AVEN: variants seen among roughly 807,000 people sequenced by gnomAD.
AVEN encodes cell death regulator Aven.
A neutral mutation model predicts 38.1 loss-of-function variants in AVEN; 41 were observed. The ratio of observed to expected loss-of-function variants is 1.08; its 90% confidence interval spans 0.84 to 1.40. The LOEUF is 1.40. Ranked by LOEUF, AVEN falls within the 40% of genes most tolerant of loss-of-function variation. The probability of loss-of-function intolerance (pLI) is 0.00; values close to 1 mark genes in which losing one functional copy is unlikely to be tolerated. For synonymous variants in AVEN, 206 were observed against 171.8 expected, an observed-to-expected ratio of 1.20 and a Z score of -1.56; for missense variants, 605 against 438.8, an observed-to-expected ratio of 1.38 and a Z score of -3.38.
intron 2 of AVEN, among the ~76,000 whole-genome samples, chr15:33,984,032 A>T (rs976129857): frequency 2.6e-5 from 4 of 152,278 alleles, no homozygotes; most frequent in Admixed American, 2.6e-4. Context: ...ACTGTCACAA[A>T]TAAGAAGAGA....
chr15:33,852,806 G>C, the AVEN span: 1 of 419,616 alleles, frequency 2.4e-6, no homozygotes, highest in South Asian at 3.2e-5. Context: ...ATAATTCTGA[G>C]GCAGAAACTG....
intron 3 of AVEN, among the ~76,000 whole-genome samples, chr15:33,872,375 AAC>A (rs1273766354): frequency 6.6e-6 from 1 of 152,190 alleles, no homozygotes; most frequent in Non-Finnish European, 1.5e-5. Flanking sequence ...GCAGCTAAAA[AAC>A]ATACCCTTCA....
At chr15:33,862,213 G>C (rs1888523433), downstream of AVEN, among the ~76,000 whole-genome samples, 1 of 152,070 alleles carries the variant, frequency 6.6e-6, no homozygotes, top group Non-Finnish European at 1.5e-5. Flanking sequence ...AGCTTAGAGA[G>C]TCCTCATCTT....
At chr15:33,989,501 T>C (rs7183165) in intron 2 of AVEN, among the ~76,000 whole-genome samples, 6 of 151,136 alleles carry the variant, frequency 4.0e-5, no homozygotes, top group Non-Finnish European at 7.4e-5. Context: ...TAAGATCCCC[T>C]GACGCCCACC....
intron 1 of AVEN, among the ~76,000 whole-genome samples, chr15:34,005,831 C>A (rs73387944): frequency 0.21 from 31,775 of 152,046 alleles, 5,124 homozygotes; most frequent in African/African-American, 0.45. Flanking sequence ...GTTCAGCCCA[C>A]AAATATCATC....
intron 2 of AVEN, among the ~76,000 whole-genome samples, chr15:33,877,464 A>G (rs923195009): frequency 2.0e-5 from 3 of 152,266 alleles, no homozygotes; most frequent in African/African-American, 7.2e-5. Flanking sequence ...TGGCCCAGTT[A>G]TAAAACTTAT....
downstream of AVEN, among the ~76,000 whole-genome samples, chr15:33,862,637 G>A (rs1392118937): frequency 6.6e-6 from 1 of 152,066 alleles, no homozygotes; most frequent in Non-Finnish European, 1.5e-5. Flanking sequence ...TATTTATTGA[G>A]ACAGTCTCTG....
chr15:33,972,503 AAAAAACAAAAACAACAACAGAAAAC>A, intron 2 of AVEN: 1 of 151,744 alleles, frequency 6.6e-6, no homozygotes, highest in Admixed American at 6.6e-5. Flanking sequence ...TGGATTTGTT[AAAAAACAAAAACAACAACAGAAAAC>A]AAAAACAAAA....
intron 2 of AVEN, among the ~76,000 whole-genome samples, chr15:33,904,710 T>TACACACACACACACACACACAC (rs1369829949): frequency 1.7e-5 from 2 of 121,092 alleles, no homozygotes; most frequent in Non-Finnish European, 3.5e-5. Flanking sequence ...TATATATATA[T>TACACACACACACACACACACAC]ATATATACAC....
At chr15:33,875,566 T>G (rs1891187180) in intron 3 of AVEN, among the ~76,000 whole-genome samples, 1 of 152,150 alleles carries the variant, frequency 6.6e-6, no homozygotes, top group African/African-American at 2.4e-5. Flanking sequence ...CCAAAAACAG[T>G]GAGAGACAGA....
intron 1 of AVEN, among the ~76,000 whole-genome samples, chr15:34,035,887 G>T (rs773635447): frequency 6.6e-6 from 1 of 152,090 alleles, no homozygotes; most frequent in Admixed American, 6.5e-5. Context: ...CTCCACCTCC[G>T]GGGCTCAAAA....
chr15:34,062,927 C>T (rs550606933), exon 5 of AVEN: 1 of 1,614,200 alleles, frequency 6.2e-7, no homozygotes, highest in African/African-American at 1.3e-5. Flanking sequence ...ATTACCTGCT[C>T]AGCTTAGCCT....
chr15:34,000,035 C>A (rs1281006385), intron 2 of AVEN, among the ~76,000 whole-genome samples: 2 of 152,176 alleles, frequency 1.3e-5, no homozygotes, highest in East Asian at 3.9e-4. Flanking sequence ...ATTCCCTATC[C>A]TCCTATCTCA....
At chr15:34,015,958 T>C (rs1285513149) in intron 1 of AVEN, among the ~76,000 whole-genome samples, 2 of 152,302 alleles carry the variant, frequency 1.3e-5, no homozygotes, top group Non-Finnish European at 2.9e-5. Flanking sequence ...CCCTCAGATC[T>C]GAACAGTAAC....
At chr15:34,049,443 A>G (rs537920) in intron 5 of AVEN, among the ~76,000 whole-genome samples, 150,690 of 152,284 alleles carry the variant, frequency 0.99, 74,578 homozygotes, top group Middle Eastern at 1. Flanking sequence ...GACCAGTGGA[A>G]AAAAGAATCG....
At chr15:33,909,986 G>A (rs1236259096) in intron 2 of AVEN, among the ~76,000 whole-genome samples, 2 of 151,858 alleles carry the variant, frequency 1.3e-5, no homozygotes, top group African/African-American at 4.9e-5. Flanking sequence ...AAATTAGCTG[G>A]GCTTGGTGGT....
chr15:34,067,900 C>T (rs543037984), intron 2 of AVEN, among the ~76,000 whole-genome samples: 6 of 152,256 alleles, frequency 3.9e-5, no homozygotes, highest in South Asian at 2.1e-4. Flanking sequence ...ATTATGTAAA[C>T]TCTTGCCCAA....
chr15:34,008,776 C>A (rs1897491267), intron 1 of AVEN, among the ~76,000 whole-genome samples: 1 of 152,068 alleles, frequency 6.6e-6, no homozygotes, highest in Non-Finnish European at 1.5e-5. Flanking sequence ...GCGTGAGCCA[C>A]CGTGCCTAGC....
chr15:33,879,678 T>G (rs1461845380), intron 2 of AVEN, among the ~76,000 whole-genome samples: 1 of 152,196 alleles, frequency 6.6e-6, no homozygotes, highest in African/African-American at 2.4e-5. Flanking sequence ...TAAGACTTTT[T>G]CAGACATGTG....
Sources: gnomAD v4.1 joint callset for allele counts (sites outside exome capture counted in the v4.1 genomes callset) on GRCh38, gnomAD v4.1.1 for gene constraint, MANE v1.5 for transcripts, NCBI Gene and HGNC (gene_info 2026-07-23, HGNC 2026-07-21) for gene names.